Variants in CACNA2D2 observed in about 807,000 individuals in gnomAD.
CACNA2D2 encodes calcium voltage-gated channel auxiliary subunit alpha2delta 2.
In CACNA2D2, 48 loss-of-function variants were observed where a neutral mutation model predicts 166.4. That is an observed-to-expected ratio of 0.29 (90% confidence interval 0.23 to 0.37). CACNA2D2 has a LOEUF of 0.37. Ranked by LOEUF, CACNA2D2 falls within the 10% of genes least tolerant of loss-of-function variation. CACNA2D2 has a pLI of 1.00. For synonymous variants in CACNA2D2, 561 were observed against 573.7 expected, an observed-to-expected ratio of 0.98 and a Z score of 0.32; for missense variants, 1,122 against 1,433.0, an observed-to-expected ratio of 0.78 and a Z score of 3.50.
At position 50,376,510 on chromosome 3, in the gene CACNA2D2, C is replaced by A. The variant is rs1206197714; in HGVS notation, c.1627-322G>T. ...CACCACCGGCCCCACAGGTCTGCTGCTTCTGTACCCCTGTGGCCCTCCTCT... is the reference window on the plus strand; with the variant it reads ...CACCACCGGCCCCACAGGTCTGCTGATTCTGTACCCCTGTGGCCCTCCTCT... On this transcript the variant is annotated intron_variant, in intron 17 of 37. Transcript: ENST00000424201. The surrounding 1 kb of genome is among the most constrained non-coding windows in gnomAD (Gnocchi z 4.3). Among the ~76,000 whole-genome samples the A allele has an allele frequency of 6.6e-6, 1 of 152,208 alleles. No individual in the cohort carries two copies. The highest frequency in any genetic ancestry group is 2.4e-5 in the African/African-American group (1 of 41,436).
chr3:50,449,504 G>A (rs570359508), intron 2 of CACNA2D2, among the ~76,000 whole-genome samples: 1 of 152,320 alleles, frequency 6.6e-6, no homozygotes, highest in South Asian at 2.1e-4. Flanking sequence ...AGATTCCTCA[G>A]GGGTAGTGGT....
intron 1 of CACNA2D2, 106 bp from the exon 2 acceptor site, chr3:50,476,305 C>T (rs1697764536): frequency 2.5e-6 from 2 of 804,848 alleles, no homozygotes; most frequent in Non-Finnish European, 4.1e-6. Context: ...ACTCACACCC[C>T]AATTTTCACT....
chr3:50,390,003 G>A (rs1462324596), intron 4 of CACNA2D2, among the ~76,000 whole-genome samples: 1 of 149,996 alleles, frequency 6.7e-6, no homozygotes, highest in Non-Finnish European at 1.5e-5. Flanking sequence ...GCGGGAGGGG[G>A]CTGTCAGGGT....
intron 2 of CACNA2D2, among the ~76,000 whole-genome samples, chr3:50,473,298 C>G (rs1710176503): frequency 1.3e-5 from 2 of 152,240 alleles, no homozygotes; most frequent in Non-Finnish European, 1.5e-5. Context: ...GCAAGGAAAA[C>G]ATCCCCAAAC....
chr3:50,409,715 G>A (rs1481336130), intron 3 of CACNA2D2, among the ~76,000 whole-genome samples: 2 of 152,240 alleles, frequency 1.3e-5, no homozygotes, highest in Admixed American at 6.5e-5. Flanking sequence ...AACCTGGGCT[G>A]TGTCATCAAG....
intron 3 of CACNA2D2, among the ~76,000 whole-genome samples, chr3:50,408,724 C>A (rs899162925): frequency 4.6e-5 from 7 of 152,162 alleles, no homozygotes; most frequent in Non-Finnish European, 1.5e-5. Context: ...GGAGGGTGGG[C>A]AGGCGGAGGC....
intron 6 of CACNA2D2, among the ~76,000 whole-genome samples, chr3:50,381,621 T>A (rs1216080363): frequency 8.6e-6 from 1 of 116,054 alleles, no homozygotes; most frequent in East Asian, 3.0e-4. Flanking sequence ...CCATGATTAA[T>A]CAACTGGGGC....
At chr3:50,457,187 T>G (rs1709397839) in intron 2 of CACNA2D2, among the ~76,000 whole-genome samples, 4 of 151,944 alleles carry the variant, frequency 2.6e-5, no homozygotes, top group Admixed American at 2.6e-4. Context: ...GAGGCGGAGG[T>G]TGCAGTGAGC....
chr3:50,398,365 C>T (rs1488198749), intron 3 of CACNA2D2, among the ~76,000 whole-genome samples: 1 of 152,206 alleles, frequency 6.6e-6, no homozygotes, highest in Non-Finnish European at 1.5e-5. Context: ...ACATCCACTT[C>T]CTGACCCTGA....
intron 2 of CACNA2D2, among the ~76,000 whole-genome samples, chr3:50,473,050 G>A (rs568874709): frequency 5.9e-5 from 9 of 152,278 alleles, no homozygotes; most frequent in South Asian, 2.1e-4. Context: ...AGGAGGATGC[G>A]ACTCAGGGTG....
intron 1 of CACNA2D2, among the ~76,000 whole-genome samples, chr3:50,489,528 G>A (rs1447501179): frequency 1.3e-5 from 2 of 152,088 alleles, no homozygotes; most frequent in Non-Finnish European, 2.9e-5. Context: ...CCCAAGGCAT[G>A]GTAAGTGCTA....
In CACNA2D2 at chr3:50,380,943, G is replaced by C. The variant is rs1705274601; in HGVS notation, c.784+52C>G. ...TGCCCCCAGGATGGGTGGGCTGGTAGATGGAGAAAGGCGAGGTGCTGGGTA... is the reference window on the plus strand; with the variant it reads ...TGCCCCCAGGATGGGTGGGCTGGTACATGGAGAAAGGCGAGGTGCTGGGTA... On this transcript the variant is annotated intron_variant, in intron 7 of 37. Coordinates refer to ENST00000424201, the MANE Select transcript of CACNA2D2 (RefSeq NM_006030.4). The surrounding 1 kb of genome is among the most constrained non-coding windows in gnomAD (Gnocchi z 4.9). 2.4e-5 allele frequency: 38 copies of C among 1,604,920 alleles called. No individual in the cohort carries two copies. The highest frequency in any genetic ancestry group is 1.7e-4 in the Middle Eastern group (1 of 6,024).
rs569717668 is a variant in CACNA2D2, at chr3:50,403,137, C to T, written c.406-8969G>A. 3.0e-4 allele frequency among the ~76,000 whole-genome samples: 45 copies of T among 152,326 alleles called. 1 individual carries two copies. The South Asian group carries it at 7.7e-3, about 26-fold the overall frequency. ...GGAGCACTGCCCTCACCTCTCTGTA[C>T]CTTGATCTCTCATCTATAACAGGGA... On this transcript the variant is annotated intron_variant, in intron 3 of 37. Transcript: ENST00000424201.
intron 2 of CACNA2D2, among the ~76,000 whole-genome samples, chr3:50,436,911 GAC>G: frequency 6.6e-6 from 1 of 152,254 alleles, no homozygotes; most frequent in East Asian, 1.9e-4. Context: ...CCTTGTCTCC[GAC>G]ACCTTAGCCT....
rs780835541 is a variant in CACNA2D2 at position 50,364,823 on chromosome 3, G to A, written c.3292-17C>T. The A allele has an allele frequency of 3.1e-6, 5 of 1,612,764 alleles. No homozygotes were observed. Among genetic ancestry groups the A allele is most frequent in the African/African-American group, 2.7e-5 (2 of 74,908 alleles). On this transcript the variant is annotated splice_polypyrimidine_tract_variant and intron_variant, in intron 37 of 37. Coordinates refer to ENST00000424201, the MANE Select transcript of CACNA2D2 (RefSeq NM_006030.4). ...GGTATCTTCCTGCGGGGAGAGACAA[G>A]GAGCTGGTCGGCCTGGGCGGGCGCA...
intron 6 of CACNA2D2, 82 bp from the exon 7 acceptor site, chr3:50,381,208 C>A: frequency 1.3e-6 from 2 of 1,504,220 alleles, no homozygotes; most frequent in Admixed American, 1.7e-5. Flanking sequence ...CATGCCTGTG[C>A]CCCCATTTAG....
At chr3:50,439,643 A>C (rs942789354) in intron 2 of CACNA2D2, among the ~76,000 whole-genome samples, 29 of 152,222 alleles carry the variant, frequency 1.9e-4, no homozygotes, top group African/African-American at 6.5e-4. Context: ...AGTGGATGAG[A>C]GACTGTGGGC....
intron 3 of CACNA2D2, among the ~76,000 whole-genome samples, chr3:50,432,173 C>CA (rs1708102103): frequency 6.6e-6 from 1 of 152,034 alleles, no homozygotes. Context: ...CTGCTCCTCC[C>CA]AAGCTATCGG....
intron 3 of CACNA2D2, among the ~76,000 whole-genome samples, chr3:50,400,823 A>T (rs949091876): frequency 6.6e-6 from 1 of 152,132 alleles, no homozygotes; most frequent in African/African-American, 2.4e-5. Flanking sequence ...TTTTTCCTTA[A>T]CAAATTTGTT....
Sources: allele counts gnomAD v4.1 joint callset (sites outside exome capture counted in the v4.1 genomes callset), GRCh38; gene constraint gnomAD v4.1.1; non-coding constraint Gnocchi (gnomAD v3.1); transcripts MANE v1.5; gene names NCBI Gene and HGNC (gene_info 2026-07-23, HGNC 2026-07-21).